CAMKMT: variants seen among roughly 807,000 people sequenced by gnomAD.
CAMKMT encodes CaM KMT.
A neutral mutation model predicts 48.0 loss-of-function variants in CAMKMT; 53 were observed. The observed-to-expected ratio is 1.10, with a 90% CI of 0.89 to 1.39. The LOEUF (loss-of-function observed/expected upper bound fraction) is 1.39. Among genes scored for constraint, CAMKMT ranks in the 40% most tolerant of loss-of-function variants. The pLI, the probability that CAMKMT is intolerant of heterozygous loss-of-function variation, is 0.00. For synonymous variants in CAMKMT, 165 were observed against 152.3 expected (o/e 1.08, Z -0.61); for missense variants, 428 against 402.7 (o/e 1.06, Z -0.54).
chr2:44,390,095 G>A (rs1681177741), intron 2 of CAMKMT, 146 bp from the exon 3 acceptor site: 1 of 585,024 alleles, frequency 1.7e-6, no homozygotes, highest in African/African-American at 1.9e-5. Flanking sequence ...TCCCTCTAGT[G>A]GGCAGAAAAT....
chr2:44,653,999 G>A lies in CAMKMT; in HGVS notation c.377-50284G>A, dbSNP rs114273600. On this transcript the variant is annotated intron_variant, in intron 3 of 10. Transcript: ENST00000378494. The surrounding 1 kb of genome is among the most constrained non-coding windows in gnomAD (Gnocchi z 5.2). ...AATTAAAATTTTCTTAGTTTGCCGT[G>A]TATTTTAATTGACTCTGGACAAATA... 5.7e-3 allele frequency among the ~76,000 whole-genome samples: 873 copies of A among 152,210 alleles called. 10 individuals carry two copies. Among genetic ancestry groups the A allele is most frequent in the African/African-American group, 0.02 (828 of 41,524 alleles).
chr2:44,761,748 G>A (rs1680628974), intron 9 of CAMKMT, among the ~76,000 whole-genome samples: 1 of 152,188 alleles, frequency 6.6e-6, no homozygotes. Flanking sequence ...ATACGGAAGT[G>A]CTTGGTACCT....
intron 3 of CAMKMT, among the ~76,000 whole-genome samples, chr2:44,476,377 T>C (rs1019655376): frequency 1.3e-5 from 2 of 152,172 alleles, no homozygotes; most frequent in East Asian, 3.8e-4. Flanking sequence ...TTTTGCATAG[T>C]ATAACATATT....
chr2:44,558,921 CT>C (rs1189333483), intron 3 of CAMKMT, among the ~76,000 whole-genome samples: 3 of 151,506 alleles, frequency 2.0e-5, no homozygotes, highest in East Asian at 1.9e-4. Flanking sequence ...TACATACCCC[CT>C]GAACCTAAAA....
At chr2:44,670,082 T>C (rs1675241751) in intron 3 of CAMKMT, among the ~76,000 whole-genome samples, 1 of 152,238 alleles carries the variant, frequency 6.6e-6, no homozygotes, top group African/African-American at 2.4e-5. Context: ...CCCTTATTGA[T>C]TTGTAAGAAT....
intron 3 of CAMKMT, among the ~76,000 whole-genome samples, chr2:44,555,407 G>A (rs1667953623): frequency 6.6e-6 from 1 of 152,182 alleles, no homozygotes; most frequent in South Asian, 2.1e-4. Context: ...TTGACATATT[G>A]CTGAAGCAGG....
At chr2:44,652,941 T>TG (rs1674170157) in intron 3 of CAMKMT, among the ~76,000 whole-genome samples, 1 of 152,234 alleles carries the variant, frequency 6.6e-6, no homozygotes, top group South Asian at 2.1e-4. Context: ...TCTGGCTGGT[T>TG]GCCTGCTTCC....
chr2:44,638,012 C>T (rs1673229529), intron 3 of CAMKMT, among the ~76,000 whole-genome samples: 1 of 145,840 alleles, frequency 6.9e-6, no homozygotes, highest in Admixed American at 7.2e-5. Context: ...TTGCAGTGAG[C>T]CGAGATCATG....
intron 3 of CAMKMT, among the ~76,000 whole-genome samples, chr2:44,520,007 C>A (rs531731479): frequency 4.7e-4 from 71 of 150,738 alleles, no homozygotes; most frequent in Non-Finnish European, 8.4e-4. Flanking sequence ...GTCAGGAGAT[C>A]GAAACCATCC....
Position 44,542,496 on chromosome 2 carries a change from TACACACACACACAC to T in CAMKMT, c.376+152220_376+152233del, listed in dbSNP as rs371102222. 7.6e-3 allele frequency among the ~76,000 whole-genome samples: 1,022 copies of T among 134,170 alleles called. 8 individuals carry two copies. The highest frequency in any genetic ancestry group is 0.024 in the African/African-American group (863 of 35,474). 88.0% of individuals were successfully genotyped at this position (134,170 alleles called of 152,430 possible). A position where few individuals can be genotyped will look rare whatever the true frequency, so the allele number is the denominator to read the frequency against. On this transcript the variant is annotated intron_variant, in intron 3 of 10. Transcript: ENST00000378494. ...ACTCAGGAGGTAAGACACATACACA[TACACACACACACAC>T]ACACACACACACACACACACACACA...
At chr2:44,447,523 A>G (rs1281818459) in intron 3 of CAMKMT, among the ~76,000 whole-genome samples, 1 of 152,204 alleles carries the variant, frequency 6.6e-6, no homozygotes, top group Non-Finnish European at 1.5e-5. Flanking sequence ...GTGGCTTACA[A>G]CACTAACATT....
rs989180857 is a variant in CAMKMT at position 44,426,840 on chromosome 2, C to G, written c.376+36535C>G. 1.1e-4 allele frequency among the ~76,000 whole-genome samples: 16 copies of G among 152,168 alleles called. No homozygotes were observed. In the East Asian group the frequency reaches 1.9e-3, roughly 18 times the overall value. On this transcript the variant is annotated intron_variant, in intron 3 of 10. Transcript: ENST00000378494. The stretch of plus-strand genomic sequence containing the variant: ...AAAACTATCTAAAATTCATATGGAA[C>G]CAAAAAAGAGCCCAAGTAGCCAAAG...
intron 3 of CAMKMT, among the ~76,000 whole-genome samples, chr2:44,540,757 G>T (rs1444003889): frequency 6.6e-6 from 1 of 152,148 alleles, no homozygotes; most frequent in Non-Finnish European, 1.5e-5. Flanking sequence ...TCTCAAAAAA[G>T]AAACTCAGAT....
intron 3 of CAMKMT, among the ~76,000 whole-genome samples, chr2:44,514,732 C>T (rs1286382861): frequency 6.6e-6 from 1 of 152,144 alleles, no homozygotes; most frequent in East Asian, 1.9e-4. Context: ...GTTTGAATGA[C>T]TACATTAATA....
chr2:44,697,026 T>C (rs1676994866), intron 3 of CAMKMT, among the ~76,000 whole-genome samples: 1 of 152,048 alleles, frequency 6.6e-6, no homozygotes, highest in African/African-American at 2.4e-5. Context: ...AGAAAAGATT[T>C]TTTAAAATAA....
At chr2:44,500,562 G>T (rs1165713085) in intron 3 of CAMKMT, among the ~76,000 whole-genome samples, 1 of 151,746 alleles carries the variant, frequency 6.6e-6, no homozygotes, top group Non-Finnish European at 1.5e-5. Context: ...ATGTTGATTA[G>T]ATCATAAAAA....
chr2:44,642,598 C>G (rs1322494394), intron 3 of CAMKMT, among the ~76,000 whole-genome samples: 6 of 152,066 alleles, frequency 3.9e-5, no homozygotes, highest in African/African-American at 1.4e-4. Flanking sequence ...ATGTGTGTGA[C>G]TTTATGAGAA....
intron 3 of CAMKMT, among the ~76,000 whole-genome samples, chr2:44,417,872 T>A (rs933554424): frequency 3.3e-5 from 5 of 152,178 alleles, no homozygotes; most frequent in Non-Finnish European, 7.4e-5. Context: ...GTCAAATGTT[T>A]TGCCCATTTT....
At chr2:44,576,327 TAAAAA>T (rs569571059) in intron 3 of CAMKMT, among the ~76,000 whole-genome samples, 1 of 76,696 alleles carries the variant, frequency 1.3e-5, no homozygotes, top group Non-Finnish European at 2.8e-5. Context: ...AAACTCTGTC[TAAAAA>T]AAAAAAAAAA....
Sources: gnomAD v4.1 joint callset for allele counts (sites outside exome capture counted in the v4.1 genomes callset) on GRCh38, gnomAD v4.1.1 for gene constraint, Gnocchi (gnomAD v3.1) non-coding constraint, MANE v1.5 for transcripts, NCBI Gene and HGNC (gene_info 2026-07-23, HGNC 2026-07-21) for gene names.